Variants in FBXW8 observed in about 807,000 individuals in gnomAD.
The protein encoded by FBXW8 is F-box and WD repeat domain containing 8, also known as F-box/WD repeat-containing protein 8.
FBXW8 carries 57 observed loss-of-function variants against 65.3 expected under a neutral mutation model. The ratio of observed to expected loss-of-function variants is 0.87; its 90% CI spans 0.71 to 1.09. The LOEUF (loss-of-function observed/expected upper bound fraction) is 1.09, where lower values mean the gene tolerates loss of function less well. FBXW8 is among the 50% of genes least tolerant of loss of function. The pLI is 0.00. For missense variants in FBXW8, 777 were observed against 814.8 expected, an observed-to-expected ratio of 0.95 and a Z score of 0.57; for synonymous variants, 308 against 330.2, an observed-to-expected ratio of 0.93 and a Z score of 0.73.
intron 1 of FBXW8, among the ~76,000 whole-genome samples, chr12:116,917,019 C>T (rs950548377): frequency 6.6e-6 from 1 of 152,018 alleles, no homozygotes; most frequent in Non-Finnish European, 1.5e-5. Context: ...AGCAAGAGGG[C>T]GAGCCCCAGT....
intron 7 of FBXW8, among the ~76,000 whole-genome samples, chr12:117,004,085 T>G (rs1024334979): frequency 1.3e-5 from 2 of 152,196 alleles, no homozygotes; most frequent in Non-Finnish European, 2.9e-5. Flanking sequence ...CACTGCCCAT[T>G]CAGATTTCCC....
chr12:116,943,661 A>T (rs764951953), intron 2 of FBXW8, among the ~76,000 whole-genome samples: 3 of 152,140 alleles, frequency 2.0e-5, no homozygotes, highest in African/African-American at 7.2e-5. Flanking sequence ...GGGAGAGGTT[A>T]GGGCCTTCTC....
intron 1 of FBXW8, among the ~76,000 whole-genome samples, chr12:116,919,735 C>T (rs1880735299): frequency 6.6e-6 from 1 of 152,168 alleles, no homozygotes. Flanking sequence ...CTGACTGCGA[C>T]TTTATAAAGG....
chr12:117,012,578 G>A (rs1288777031), intron 8 of FBXW8, among the ~76,000 whole-genome samples: 3 of 152,170 alleles, frequency 2.0e-5, no homozygotes, highest in African/African-American at 7.2e-5. Flanking sequence ...GTGGTAGAGG[G>A]AAGTCTTACA....
At chr12:116,923,722 ATTT>A (rs1268210354) in intron 1 of FBXW8, among the ~76,000 whole-genome samples, 107 of 131,998 alleles carry the variant, frequency 8.1e-4, no homozygotes, top group African/African-American at 3.2e-3. Context: ...TAATTAATTT[ATTT>A]ATTTATTTAT....
intron 7 of FBXW8, among the ~76,000 whole-genome samples, chr12:116,993,053 C>T (rs908519189): frequency 1.7e-4 from 26 of 149,990 alleles, no homozygotes; most frequent in African/African-American, 5.9e-4. Context: ...AATGTATAAG[C>T]ATTCCCATTT....
chr12:116,980,504 A>G (rs1885233562), intron 5 of FBXW8: 1 of 152,224 alleles, frequency 6.6e-6, no homozygotes. Context: ...TAGGGCATAG[A>G]GAGGGAAAAG....
chr12:116,978,968 A>G (rs1222490776), intron 5 of FBXW8: 1 of 152,174 alleles, frequency 6.6e-6, no homozygotes, highest in Non-Finnish European at 1.5e-5. Context: ...ATGGAAGCTT[A>G]ATTGCAATTT....
chr12:116,932,723 G>A (rs1439914920), intron 2 of FBXW8, among the ~76,000 whole-genome samples: 2 of 152,036 alleles, frequency 1.3e-5, no homozygotes, highest in African/African-American at 4.8e-5. Context: ...TAGTAGAGAC[G>A]GGGTTTCACC....
At chr12:116,959,584 G>A (rs1459683191) in intron 4 of FBXW8, among the ~76,000 whole-genome samples, 1 of 152,214 alleles carries the variant, frequency 6.6e-6, no homozygotes, top group African/African-American at 2.4e-5. Context: ...TGGAAACGCT[G>A]CTGGATACTT....
chr12:116,978,246 A>G (rs144165405), intron 5 of FBXW8: 9 of 152,230 alleles, frequency 5.9e-5, no homozygotes, highest in Non-Finnish European at 1.3e-4. Flanking sequence ...ACCCTTGTCT[A>G]CACTGATACT....
chr12:116,994,687 A>T (rs1380783445), intron 7 of FBXW8, among the ~76,000 whole-genome samples: 1 of 152,238 alleles, frequency 6.6e-6, no homozygotes, highest in Admixed American at 6.5e-5. Flanking sequence ...GATCATTTCT[A>T]TGACATAACA....
chr12:116,999,981 AT>A (rs71099027), intron 7 of FBXW8, among the ~76,000 whole-genome samples: 1,889 of 128,748 alleles, frequency 0.015, 18 homozygotes, highest in African/African-American at 0.047. Context: ...TCTGCATCTC[AT>A]TTTTTTTTTT....
intron 7 of FBXW8, among the ~76,000 whole-genome samples, chr12:116,997,685 G>T (rs1953408158): frequency 6.6e-6 from 1 of 152,216 alleles, no homozygotes; most frequent in Non-Finnish European, 1.5e-5. Context: ...AGCAGCACCA[G>T]GTATATTCAG....
chr12:116,935,122 AAGAT>A (rs1882063089), intron 2 of FBXW8, among the ~76,000 whole-genome samples: 1 of 152,226 alleles, frequency 6.6e-6, no homozygotes, highest in South Asian at 2.1e-4. Context: ...TATCAAGTAA[AAGAT>A]AGAAAAACGT....
chr12:117,028,297 C>A lies in FBXW8; in HGVS notation c.*125C>A. The A allele has an allele frequency of 8.5e-7, 1 of 1,182,360 alleles. No individual in the cohort carries two copies. The highest frequency in any genetic ancestry group is 2.5e-5 in the East Asian group (1 of 39,362). 73.2% of individuals were successfully genotyped at this position (1,182,360 alleles called of 1,614,324 possible). A position where few individuals can be genotyped will look rare whatever the true frequency, so the allele number is the denominator to read the frequency against. On this transcript the variant is annotated 3_prime_UTR_variant, in exon 11 of 11. Transcript: ENST00000652555. The surrounding 1 kb of genome is among the most constrained non-coding windows in gnomAD (Gnocchi z 4.1). ...GAAGAAAGCAGCCCAGGGTGCCATG[C>A]CTGACAGCACGCATCTCCCTGACCC...
chr12:116,929,515 A>T (rs1311646652), intron 2 of FBXW8, among the ~76,000 whole-genome samples: 1 of 151,778 alleles, frequency 6.6e-6, no homozygotes, highest in Non-Finnish European at 1.5e-5. Flanking sequence ...GATTACAGGC[A>T]TGAGCCACTG....
intron 1 of FBXW8, among the ~76,000 whole-genome samples, chr12:116,911,721 G>A (rs1879961176): frequency 6.6e-6 from 1 of 152,144 alleles, no homozygotes; most frequent in Admixed American, 6.5e-5. Context: ...CAGTAAGTGT[G>A]GGGTTGAGAA....
At chr12:116,929,130 AG>A (rs1337824474) in intron 2 of FBXW8, among the ~76,000 whole-genome samples, 17 of 151,970 alleles carry the variant, frequency 1.1e-4, no homozygotes, top group Non-Finnish European at 1.9e-4. Flanking sequence ...CTTTCTAAGC[AG>A]GGGATGCCAG....
Sources: allele counts gnomAD v4.1 joint callset (sites outside exome capture counted in the v4.1 genomes callset), GRCh38; gene constraint gnomAD v4.1.1; non-coding constraint Gnocchi (gnomAD v3.1); transcripts MANE v1.5; gene names NCBI Gene and HGNC (gene_info 2026-07-23, HGNC 2026-07-21).